Variants in TRPM3 observed in about 807,000 individuals in gnomAD.
TRPM3 encodes transient receptor potential cation channel subfamily M member 3.
Under a neutral mutation model 181.2 loss-of-function variants are expected in TRPM3, and 77 were observed. The observed-to-expected ratio is 0.42, with a 90% CI of 0.35 to 0.51. TRPM3 has a LOEUF of 0.51. TRPM3 is among the 20% of genes least tolerant of loss of function. The pLI, the probability that TRPM3 is intolerant of heterozygous loss-of-function variation, is 0.01. For missense variants in TRPM3, 1,759 were observed against 2,196.7 expected, an observed-to-expected ratio of 0.80 and a Z score of 3.98; for synonymous variants, 745 against 796.4, an observed-to-expected ratio of 0.94 and a Z score of 1.09.
At chr9:71,007,775 T>A (rs2097695478) in intron 1 of TRPM3, among the ~76,000 whole-genome samples, 1 of 151,854 alleles carries the variant, frequency 6.6e-6, no homozygotes, top group South Asian at 2.1e-4. Context: ...ATACAACCGA[T>A]CAAACACTTT....
chr9:71,114,959 A>C (rs946845156), intron 1 of TRPM3, among the ~76,000 whole-genome samples: 5 of 152,204 alleles, frequency 3.3e-5, no homozygotes, highest in Admixed American at 1.3e-4. Flanking sequence ...TGATCATACA[A>C]ACAGAAAATA....
chr9:70,549,463 G>T, intron 25 of TRPM3, 79 bp downstream of exon 25: 3 of 1,489,162 alleles, frequency 2.0e-6, no homozygotes, highest in African/African-American at 1.4e-5. Context: ...TCTGTTTTGT[G>T]ACCGTGTGAA....
At chr9:71,274,712 C>T (rs996490129) in intron 1 of TRPM3, among the ~76,000 whole-genome samples, 2 of 152,206 alleles carry the variant, frequency 1.3e-5, no homozygotes, top group African/African-American at 4.8e-5. Flanking sequence ...GTGTAGTGGG[C>T]ATGAGCTTTC....
chr9:70,766,996 A>G (rs540316891), intron 7 of TRPM3, among the ~76,000 whole-genome samples: 7 of 152,400 alleles, frequency 4.6e-5, no homozygotes, highest in African/African-American at 1.7e-4. Flanking sequence ...TGCCTGACAC[A>G]TAGCAAGTCC....
At chr9:71,441,030 T>C (rs998747204) in intron 1 of TRPM3, among the ~76,000 whole-genome samples, 2 of 152,230 alleles carry the variant, frequency 1.3e-5, no homozygotes, top group Non-Finnish European at 2.9e-5. Context: ...AAAGATATTT[T>C]ACTCCTCCAA....
intron 3 of TRPM3, among the ~76,000 whole-genome samples, chr9:70,859,552 C>T (rs888965358): frequency 2.6e-5 from 4 of 152,142 alleles, no homozygotes; most frequent in African/African-American, 9.7e-5. Flanking sequence ...GTAGATGTTC[C>T]ATACATTTTA....
chr9:71,415,442 T>G (rs2093622440), intron 1 of TRPM3, among the ~76,000 whole-genome samples: 1 of 152,078 alleles, frequency 6.6e-6, no homozygotes, highest in Non-Finnish European at 1.5e-5. Context: ...AATACATATA[T>G]TTTTCTATTT....
At chr9:71,325,623 A>T (rs1431773222) in intron 1 of TRPM3, among the ~76,000 whole-genome samples, 1 of 152,140 alleles carries the variant, frequency 6.6e-6, no homozygotes, top group Non-Finnish European at 1.5e-5. Flanking sequence ...TAATGAAAAA[A>T]TTGCTTAGGC....
At chr9:70,629,863 C>T (rs1201983973) in intron 12 of TRPM3, among the ~76,000 whole-genome samples, 2 of 152,194 alleles carry the variant, frequency 1.3e-5, no homozygotes, top group Non-Finnish European at 2.9e-5. Context: ...ATTACTTTTA[C>T]CTTTCTTACT....
intron 1 of TRPM3, among the ~76,000 whole-genome samples, chr9:71,277,986 A>G (rs796828633): frequency 5.3e-5 from 8 of 152,304 alleles, no homozygotes; most frequent in African/African-American, 1.9e-4. Context: ...TGGGACAGCA[A>G]TGCAAAACGC....
At chr9:70,647,995 A>G (rs2133735532) in intron 9 of TRPM3, among the ~76,000 whole-genome samples, 1 of 152,326 alleles carries the variant, frequency 6.6e-6, no homozygotes, top group African/African-American at 2.4e-5. Flanking sequence ...AAGGGAGGTG[A>G]AAGATCTCTA....
At chr9:70,897,808 A>AT (rs2096302351) in intron 1 of TRPM3, among the ~76,000 whole-genome samples, 1 of 152,180 alleles carries the variant, frequency 6.6e-6, no homozygotes. Flanking sequence ...CTAATAGAAG[A>AT]AATTCTCTTT....
At chr9:71,052,528 G>T (rs563594929) in intron 1 of TRPM3, among the ~76,000 whole-genome samples, 100 of 152,278 alleles carry the variant, frequency 6.6e-4, no homozygotes, top group Non-Finnish European at 1.3e-3. Context: ...TGGCATGAGT[G>T]CTGCATGTTT....
intron 1 of TRPM3, among the ~76,000 whole-genome samples, chr9:71,290,159 A>G (rs1360646912): frequency 6.6e-6 from 1 of 152,066 alleles, no homozygotes; most frequent in Non-Finnish European, 1.5e-5. Context: ...ACAAAAGAGA[A>G]GACATGATGG....
At chr9:70,861,933 C>T (rs925420989) in intron 3 of TRPM3, among the ~76,000 whole-genome samples, 9 of 4,124 alleles carry the variant, frequency 2.2e-3, no homozygotes, top group African/African-American at 7.5e-3. Flanking sequence ...ACTGCAGTGG[C>T]GGGGGTGGGG....
upstream of TRPM3, among the ~76,000 whole-genome samples, chr9:71,122,792 G>A (rs1289861558): frequency 5.3e-5 from 8 of 152,126 alleles, no homozygotes; most frequent in East Asian, 7.7e-4. Context: ...ACTAGTCCAC[G>A]GGTGGAAGGC....
chr9:71,363,981 G>T (rs377253170), intron 1 of TRPM3, among the ~76,000 whole-genome samples: 1 of 152,176 alleles, frequency 6.6e-6, no homozygotes, highest in East Asian at 1.9e-4. Flanking sequence ...TAAATGATGC[G>T]CTAAACTTGA....
intron 1 of TRPM3, among the ~76,000 whole-genome samples, chr9:71,032,011 T>TAG (rs1347947212): frequency 0.92 from 49,053 of 53,240 alleles, 22,475 homozygotes; most frequent in East Asian, 0.99. Flanking sequence ...TTATATAATA[T>TAG]ATAATATATA....
rs72731792 is a variant in TRPM3, at chr9:71,145,968, G to A, written c.184-281457C>T. ...GAAAAATAATCTGCCTAATAGCATCGTTCTTTATGAAGAAGTCATCTGAAG... is the reference window on the plus strand; with the variant it reads ...GAAAAATAATCTGCCTAATAGCATCATTCTTTATGAAGAAGTCATCTGAAG... On this transcript the variant is annotated intron_variant, in intron 1 of 24. Transcript: ENST00000357533. 1.5e-4 allele frequency among the ~76,000 whole-genome samples: 23 copies of A among 151,814 alleles called. 1 individual carries two copies. The East Asian group carries it at 4.1e-3, about 27-fold the overall frequency.
Sources: gnomAD v4.1 joint callset for allele counts (sites outside exome capture counted in the v4.1 genomes callset) on GRCh38, gnomAD v4.1.1 for gene constraint, MANE v1.5 for transcripts, NCBI Gene and HGNC (gene_info 2026-07-23, HGNC 2026-07-21) for gene names.